MSI2: variants seen among roughly 807,000 people sequenced by gnomAD.
The protein encoded by MSI2 is musashi RNA binding protein 2, also known as RNA-binding protein Musashi homolog 2.
Under a neutral mutation model 45.6 loss-of-function variants are expected in MSI2, and 17 were observed. That is an observed-to-expected ratio of 0.37 (90% CI 0.26 to 0.56). The LOEUF is 0.56. Ranked by LOEUF, MSI2 falls within the 20% of genes least tolerant of loss-of-function variation. The pLI is 0.77. For missense variants in MSI2, 293 were observed against 444.2 expected (o/e 0.66, Z 3.06); for synonymous variants, 156 against 158.2 (o/e 0.99, Z 0.11).
chr17:57,619,590 T>C (rs1318921193), intron 9 of MSI2, among the ~76,000 whole-genome samples: 1 of 152,182 alleles, frequency 6.6e-6, no homozygotes, highest in Non-Finnish European at 1.5e-5. Context: ...CCAACGAGCC[T>C]GGCCACGTGT....
rs1157044386 is a variant in MSI2, at chr17:57,632,368, A to C, written c.727+5065A>C. On this transcript the variant is annotated intron_variant, in intron 10 of 13. Coordinates refer to ENST00000284073, the MANE Select transcript of MSI2 (RefSeq NM_138962.4). ...CTGATCTGGAAGAGGAGCTATATAAACACTATCTGACTATCTTTGTCTTTT... is the reference window on the plus strand; with the variant it reads ...CTGATCTGGAAGAGGAGCTATATAACCACTATCTGACTATCTTTGTCTTTT... 6 of 1,066,262 alleles carry C rather than the reference A, an allele frequency of 5.6e-6. No homozygotes were observed. In the African/African-American group the frequency reaches 6.5e-5, roughly 12 times the overall value. 66.1% of individuals were successfully genotyped at this position (1,066,262 alleles called of 1,614,324 possible). A position where few individuals can be genotyped will look rare whatever the true frequency, so the allele number is the denominator to read the frequency against.
chr17:57,525,577 G>C (rs2086680342), intron 6 of MSI2, among the ~76,000 whole-genome samples: 1 of 152,132 alleles, frequency 6.6e-6, no homozygotes, highest in Non-Finnish European at 1.5e-5. Context: ...ACATGAGCCA[G>C]CATATCCGGC....
intron 5 of MSI2, among the ~76,000 whole-genome samples, chr17:57,391,447 C>T (rs1475045506): frequency 6.6e-6 from 1 of 152,192 alleles, no homozygotes; most frequent in Non-Finnish European, 1.5e-5. Context: ...TAGCATGTCT[C>T]AGTTTACATA....
chr17:57,468,206 G>A (rs1280273030), intron 6 of MSI2, among the ~76,000 whole-genome samples: 3 of 151,726 alleles, frequency 2.0e-5, no homozygotes, highest in Admixed American at 6.6e-5. Flanking sequence ...AGAATTCAAC[G>A]AGACAATGCA....
chr17:57,454,027 C>T lies in MSI2; in HGVS notation c.405+52556C>T, dbSNP rs139527659. On this transcript the variant is annotated intron_variant, in intron 6 of 13. Transcript: ENST00000284073. The stretch of plus-strand genomic sequence containing the variant: ...TGTGTGCTATTACCCACCTGTTGGC[C>T]GCCAAGGCTGATACCTGGCAGGAAG... Among the ~76,000 whole-genome samples the T allele has an allele frequency of 2.8e-4, 42 of 152,322 alleles. No individual in the cohort carries two copies. The East Asian group carries it at 6.8e-3, about 24-fold the overall frequency.
intron 6 of MSI2, among the ~76,000 whole-genome samples, chr17:57,488,971 C>T (rs1459482926): frequency 6.6e-6 from 1 of 152,140 alleles, no homozygotes; most frequent in African/African-American, 2.4e-5. Flanking sequence ...GGAGAGGGAA[C>T]ACACTGCCAG....
chr17:57,450,987 G>A (rs2085008605), intron 6 of MSI2, among the ~76,000 whole-genome samples: 1 of 152,076 alleles, frequency 6.6e-6, no homozygotes, highest in Non-Finnish European at 1.5e-5. Context: ...CCAGTGGGTG[G>A]TAGTGGTGTT....
intron 11 of MSI2, among the ~76,000 whole-genome samples, chr17:57,664,290 G>A (rs540025318): frequency 4.6e-5 from 7 of 152,162 alleles, no homozygotes; most frequent in African/African-American, 1.2e-4. Context: ...AGGCCGAGGC[G>A]GCTGATCACT....
intron 10 of MSI2, among the ~76,000 whole-genome samples, chr17:57,634,337 G>A (rs1909666196): frequency 6.6e-6 from 1 of 151,748 alleles, no homozygotes; most frequent in African/African-American, 2.4e-5. Context: ...GTGGTGGCGG[G>A]TGCCTGTAGT....
intron 5 of MSI2, among the ~76,000 whole-genome samples, chr17:57,329,984 C>G (rs1268368398): frequency 6.8e-6 from 1 of 146,674 alleles, no homozygotes; most frequent in Non-Finnish European, 1.5e-5. Context: ...CTTTCTGTGT[C>G]TCAGAGGTTG....
intron 5 of MSI2, among the ~76,000 whole-genome samples, chr17:57,301,866 T>C (rs1376294230): frequency 6.6e-6 from 1 of 152,218 alleles, no homozygotes; most frequent in African/African-American, 2.4e-5. Flanking sequence ...AGGAGTGGAA[T>C]TGCTGAGTCT....
rs2084112730 is a variant in MSI2 at position 57,407,811 on chromosome 17, C to T, written c.405+6340C>T. ...CTTCCTCTAATAGCCCAGAACAAAGCCAACACTGTCCCCATGTTTTATTAA... is the reference window on the plus strand; with the variant it reads ...CTTCCTCTAATAGCCCAGAACAAAGTCAACACTGTCCCCATGTTTTATTAA... On this transcript the variant is annotated intron_variant, in intron 6 of 13. Coordinates refer to ENST00000284073, the MANE Select transcript of MSI2 (RefSeq NM_138962.4). The surrounding 1 kb of genome is among the most constrained non-coding windows in gnomAD (Gnocchi z 4.1). 6.6e-6 allele frequency among the ~76,000 whole-genome samples: 1 copy of T among 152,208 alleles called. No homozygotes were observed. The highest frequency in any genetic ancestry group is 2.1e-4 in the South Asian group (1 of 4,828).
At chr17:57,687,005 G>GCCC (rs36159001), downstream of MSI2, among the ~76,000 whole-genome samples, 57 of 147,134 alleles carry the variant, frequency 3.9e-4, no homozygotes, top group African/African-American at 8.5e-4. Context: ...TTGGCCAGCA[G>GCCC]CCCCCCCCCC....
chr17:57,662,053 C>T (rs550010044), intron 11 of MSI2, among the ~76,000 whole-genome samples: 2 of 152,314 alleles, frequency 1.3e-5, no homozygotes, highest in South Asian at 4.1e-4. Flanking sequence ...GCCTAGTCCT[C>T]ATTCTTCATA....
chr17:57,588,361 C>G (rs1904511550), intron 7 of MSI2, among the ~76,000 whole-genome samples: 1 of 152,174 alleles, frequency 6.6e-6, no homozygotes, highest in South Asian at 2.1e-4. Context: ...GAGCACTTCT[C>G]TGTCCCTCCC....
At chr17:57,676,943 C>T (rs1297873749) in intron 12 of MSI2, 44 bp from the exon 13 acceptor site, 1 of 1,204,368 alleles carries the variant, frequency 8.3e-7, no homozygotes, top group Admixed American at 1.7e-5. Context: ...CAATCTGTTC[C>T]CATGTATAGC....
At chr17:57,394,831 A>G (rs2083860246) in intron 5 of MSI2, among the ~76,000 whole-genome samples, 1 of 152,222 alleles carries the variant, frequency 6.6e-6, no homozygotes, top group South Asian at 2.1e-4. Context: ...GCTGTCACCA[A>G]AAAAAGGTGA....
At chr17:57,273,479 T>C (rs866604372) in intron 5 of MSI2, among the ~76,000 whole-genome samples, 62 of 140,858 alleles carry the variant, frequency 4.4e-4, no homozygotes, top group Middle Eastern at 3.5e-3. Flanking sequence ...TTTTTTTTTT[T>C]TTCTTTTACT....
intron 6 of MSI2, among the ~76,000 whole-genome samples, chr17:57,473,972 T>C (rs1017004072): frequency 1.8e-4 from 27 of 152,318 alleles, no homozygotes; most frequent in African/African-American, 6.5e-4. Context: ...ATTTTGCTGT[T>C]TTTTTCGGTT....
Sources: allele counts gnomAD v4.1 joint callset (sites outside exome capture counted in the v4.1 genomes callset), GRCh38; gene constraint gnomAD v4.1.1; non-coding constraint Gnocchi (gnomAD v3.1); transcripts MANE v1.5; gene names NCBI Gene and HGNC (gene_info 2026-07-23, HGNC 2026-07-21).